Variants in SMARCAL1 observed in about 807,000 individuals in gnomAD.
The protein encoded by SMARCAL1 is SNF2 related chromatin remodeling annealing helicase 1.
SMARCAL1 carries 58 observed loss-of-function variants against 94.5 expected under a neutral mutation model. The ratio of observed to expected loss-of-function variants is 0.61; its 90% CI spans 0.50 to 0.76. The LOEUF is 0.76. Ranked by LOEUF, SMARCAL1 falls within the 30% of genes least tolerant of loss-of-function variation. The pLI is 0.00. For missense variants in SMARCAL1, 1,051 were observed against 1,177.9 expected, an observed-to-expected ratio of 0.89 and a Z score of 1.58; for synonymous variants, 422 against 455.1, an observed-to-expected ratio of 0.93 and a Z score of 0.93.
intron 12 of SMARCAL1, among the ~76,000 whole-genome samples, chr2:216,462,649 T>C (rs1197219204): frequency 6.6e-6 from 1 of 152,136 alleles, no homozygotes; most frequent in East Asian, 1.9e-4. Context: ...CCTCAGCATC[T>C]TTCTTTTTTC....
intron 6 of SMARCAL1, among the ~76,000 whole-genome samples, chr2:216,425,163 C>T (rs1048376176): frequency 6.6e-6 from 1 of 152,246 alleles, no homozygotes; most frequent in Admixed American, 6.5e-5. Context: ...CCAGATTCCA[C>T]ACCCACTGAG....
intron 9 of SMARCAL1, 136 bp downstream of exon 9, chr2:216,435,632 T>G (rs1694064361): frequency 1.2e-6 from 1 of 808,364 alleles, no homozygotes; most frequent in African/African-American, 1.7e-5. Context: ...CTGTCTTTAT[T>G]TTGTGGGGAA....
Position 216,458,731 on chromosome 2 carries a change from G to A in SMARCAL1, c.2071-5866G>A, listed in dbSNP as rs535591557. Among the ~76,000 whole-genome samples the A allele has an allele frequency of 8.8e-4, 134 of 152,294 alleles. No individual in the cohort carries two copies. The South Asian group carries it at 0.027, about 31-fold the overall frequency. ...ACAAACCCACAGCCAATATCATACTGAATTGGCAAAAACTGGAAGCATTCC... is the reference window on the plus strand; with the variant it reads ...ACAAACCCACAGCCAATATCATACTAAATTGGCAAAAACTGGAAGCATTCC... On this transcript the variant is annotated intron_variant, in intron 12 of 17. Coordinates refer to ENST00000357276, the MANE Select transcript of SMARCAL1 (RefSeq NM_014140.4).
At position 216,432,835 on chromosome 2, in the gene SMARCAL1, G is replaced by A. The variant is rs1428008664; in HGVS notation, c.1452G>A (p.Val484=). Residue 484 remains valine, a synonymous_variant, in exon 8 of 18, where the codon GTG becomes GTA. Coordinates refer to ENST00000357276, the MANE Select transcript of SMARCAL1 (RefSeq NM_014140.4). ...FYRKEWPLLV[V]VPSSVRFTWE... is the part of the protein sequence containing the mutation. ...GGAAGGAGTGGCCGCTCCTGGTGGT[G>A]GTGCCATCCTCCGTGCGCTTCACCT... is the stretch of plus-strand genomic sequence containing the variant. The A allele has an allele frequency of 6.2e-7, 1 of 1,614,198 alleles. No homozygotes were observed. The highest frequency in any genetic ancestry group is 8.5e-7 in the Non-Finnish European group (1 of 1,180,042).
rs1694438123 is a variant in SMARCAL1, at chr2:216,450,972, A to C, written c.1978A>C (p.Lys660Gln). The C allele has an allele frequency of 6.2e-7, 1 of 1,614,226 alleles. No individual in the cohort carries two copies. Among genetic ancestry groups the C allele is most frequent in the Non-Finnish European group, 8.5e-7 (1 of 1,180,022 alleles). The change falls in exon 12 of 18, where the codon AAG (lysine) becomes CAG (glutamine). Residue 660 changes from lysine to glutamine, a missense_variant. Physicochemically the swap from Lys to Gln is moderately conservative, Grantham distance 53. Coordinates refer to ENST00000357276, the MANE Select transcript of SMARCAL1 (RefSeq NM_014140.4). ...TTCCCAGCTGCCTGCCAAGCAGCGC[A>C]AGATAGTGGTGATTGCCCCAGGACG... The part of the protein sequence containing the change: ...VLSQLPAKQR[K>Q]IVVIAPGRIN...
Position 216,416,260 on chromosome 2 carries a change from C to T in SMARCAL1, c.815C>T (p.Pro272Leu). The change falls in exon 4 of 18, where the codon CCT becomes CTT. Residue 272 changes from proline to leucine, a missense_variant. Coordinates refer to ENST00000357276, the MANE Select transcript of SMARCAL1 (RefSeq NM_014140.4). Reference sequence around the variant, plus strand: ...TCAGTCCTCTGTTTTGTTTCAGATCCTGACACCAAGACGTGGAACTTCAGC... The same window carrying T: ...TCAGTCCTCTGTTTTGTTTCAGATCTTGACACCAAGACGTGGAACTTCAGC... ...FKTLPSKNYD[P>L]DTKTWNFSMN... is the part of the protein sequence containing the mutation. The T allele has an allele frequency of 3.1e-6, 5 of 1,613,614 alleles. No individual in the cohort carries two copies. Among genetic ancestry groups the T allele is most frequent in the Non-Finnish European group, 4.2e-6 (5 of 1,179,622 alleles).
Position 216,482,593 on chromosome 2 carries a change from T to G in SMARCAL1, c.2626-145T>G, listed in dbSNP as rs1695224731. On this transcript the variant is annotated intron_variant, in intron 17 of 17. Coordinates refer to ENST00000357276, the MANE Select transcript of SMARCAL1 (RefSeq NM_014140.4). This position sits in a 1 kb window ranked among gnomAD's most constrained non-coding sequence, Gnocchi z 4.3. ...CTTTAGTGATGGTTTGCTGAGATGA[T>G]GCACACTTGCCATCGTGTAGCTCCC... 1.8e-6 allele frequency: 2 copies of G among 1,114,456 alleles called. No individual in the cohort carries two copies. Among genetic ancestry groups the G allele is most frequent in the Admixed American group, 1.8e-5 (1 of 56,690 alleles). The allele number at this position is 1,114,456 out of a possible 1,614,324, so 69.0% of individuals were successfully genotyped here. A position where few individuals can be genotyped will look rare whatever the true frequency, so the allele number is the denominator to read the frequency against.
At position 216,420,493 on chromosome 2, in the gene SMARCAL1, C is replaced by G; in HGVS notation, c.1057C>G (p.Leu353Val). Reference sequence around the variant, plus strand: ...GGCAGACATCAGTTATTCACAGGACCTTATTGCGCTTTTTAAACAGATGGA... The same window carrying G: ...GGCAGACATCAGTTATTCACAGGACGTTATTGCGCTTTTTAAACAGATGGA... ...FEADISYSQD[L>V]IALFKQMDSR... The change falls in exon 5 of 18, where the codon CTT becomes GTT. Residue 353 changes from leucine to valine, a missense_variant. This residue lies in a region of SMARCAL1 where 642 missense variants were observed against 754.7 expected (regional missense o/e 0.85). Transcript: ENST00000357276. The G allele has an allele frequency of 6.2e-7, 1 of 1,614,134 alleles. No individual in the cohort carries two copies. The highest frequency in any genetic ancestry group is 8.5e-7 in the Non-Finnish European group (1 of 1,180,006).
rs373517143 is a variant in SMARCAL1 at position 216,413,149 on chromosome 2, G to A, written c.-96+501G>A. ...TCTGGGGATAGATACTTCGTGGTGGGGGAGGGGGGAGGGGGGTTGGGTTCT... is the reference window on the plus strand; with the variant it reads ...TCTGGGGATAGATACTTCGTGGTGGAGGAGGGGGGAGGGGGGTTGGGTTCT... On this transcript the variant is annotated intron_variant, in intron 1 of 17. Coordinates refer to ENST00000357276, the MANE Select transcript of SMARCAL1 (RefSeq NM_014140.4). Among the ~76,000 whole-genome samples, 336 of 143,160 alleles carry A rather than the reference G, an allele frequency of 2.3e-3. 4 individuals are homozygous for A. Among genetic ancestry groups the A allele is most frequent in the South Asian group, 0.017 (68 of 3,912 alleles). 93.9% of individuals were successfully genotyped at this position (143,160 alleles called of 152,430 possible).
At position 216,432,720 on chromosome 2, in the gene SMARCAL1, T is replaced by G; in HGVS notation, c.1337T>G (p.Phe446Cys). The change falls in exon 8 of 18, where the codon TTT becomes TGT. Residue 446 changes from phenylalanine to cysteine, a missense_variant and splice_region_variant. Around this residue, in one of 3 missense-constraint regions of SMARCAL1, gnomAD observed 642 missense variants for 754.7 expected, o/e 0.85. Transcript: ENST00000357276. ...LMPFQRAGVN[F>C]AIAKGGRLLL... ...ATCCTCACCTTGTCTGCCTTCAGTT[T>G]TGCCATAGCCAAAGGAGGCCGCCTG... The G allele has an allele frequency of 6.2e-7, 1 of 1,614,116 alleles. No individual in the cohort carries two copies. The highest frequency in any genetic ancestry group is 8.5e-7 in the Non-Finnish European group (1 of 1,180,028).
Position 216,428,695 on chromosome 2 carries a change from T to TC in SMARCAL1, c.1248dup (p.Thr417HisfsTer11), listed in dbSNP as rs535448005. On this transcript the variant is annotated frameshift_variant, in exon 7 of 18. Transcript: ENST00000357276. LOFTEE classifies it high-confidence loss of function. ...CAGCTCAAGAAGACATCTCTCAGTCTCACGCCAGATGTCCCAGAGGCAGAC... is the reference window on the plus strand; with the variant it reads ...CAGCTCAAGAAGACATCTCTCAGTCTCCACGCCAGATGTCCCAGAGGCAGAC... The TC allele has an allele frequency of 3.7e-6, 6 of 1,614,178 alleles. No homozygotes were observed. Among genetic ancestry groups the TC allele is most frequent in the Non-Finnish European group, 5.1e-6 (6 of 1,179,986 alleles).
At chr2:216,478,555 T>C (rs1386782799) in intron 17 of SMARCAL1, among the ~76,000 whole-genome samples, 5 of 152,186 alleles carry the variant, frequency 3.3e-5, no homozygotes, top group African/African-American at 1.2e-4. Context: ...AGCAGGCCAT[T>C]AGAAACTGAC....
In SMARCAL1 at chr2:216,434,907, G is replaced by A. The variant is rs1026259040; in HGVS notation, c.1486-431G>A. 6.8e-5 allele frequency among the ~76,000 whole-genome samples: 10 copies of A among 146,736 alleles called. No homozygotes were observed. In the South Asian group the frequency reaches 8.6e-4, roughly 13 times the overall value. On this transcript the variant is annotated intron_variant, in intron 8 of 17. Coordinates refer to ENST00000357276, the MANE Select transcript of SMARCAL1 (RefSeq NM_014140.4). Reference sequence around the variant, plus strand: ...AGGTTTCTCTCTTGTTGCCCAGGCCGGAGTGCAATGGCGCGATCTCGTCTC... The same window carrying A: ...AGGTTTCTCTCTTGTTGCCCAGGCCAGAGTGCAATGGCGCGATCTCGTCTC...
chr2:216,416,459 G>A (rs1693605940), intron 4 of SMARCAL1, 152 bp downstream of exon 4: 1 of 718,028 alleles, frequency 1.4e-6, no homozygotes, highest in African/African-American at 1.7e-5. Flanking sequence ...ACTCTGTCTA[G>A]CCTAATGAGG....
chr2:216,448,936 A>G (rs1694380425), intron 11 of SMARCAL1, among the ~76,000 whole-genome samples: 1 of 152,222 alleles, frequency 6.6e-6, no homozygotes, highest in South Asian at 2.1e-4. Flanking sequence ...GGAGCATGCT[A>G]TCTGTCTTAG....
At position 216,419,078 on chromosome 2, in the gene SMARCAL1, C is replaced by T. The variant is rs1044427897; in HGVS notation, c.863-1221C>T. On this transcript the variant is annotated intron_variant, in intron 4 of 17. Coordinates refer to ENST00000357276, the MANE Select transcript of SMARCAL1 (RefSeq NM_014140.4). ...TTTTAAAGCTGTAGAGGAACACCTT[C>T]GTACCTAAGTTTTTGTCTGTATTTT... Among the ~76,000 whole-genome samples, 10 of 152,302 alleles carry T rather than the reference C, an allele frequency of 6.6e-5. No individual in the cohort carries two copies. In the South Asian group the frequency reaches 1.5e-3, roughly 22 times the overall value.
chr2:216,451,012 C>T lies in SMARCAL1; in HGVS notation c.2018C>T (p.Thr673Ile), dbSNP rs758277096. The T allele has an allele frequency of 6.2e-7, 1 of 1,614,180 alleles. No individual in the cohort carries two copies. The highest frequency in any genetic ancestry group is 8.5e-7 in the Non-Finnish European group (1 of 1,180,020). ...VIAPGRINAR[T>I]RAALDAAAKE... The stretch of plus-strand genomic sequence containing the variant: ...GCCCCAGGACGGATCAATGCCAGGA[C>T]CAGAGCTGCCCTGGATGCTGCAGCC... The change falls in exon 12 of 18, where the codon ACC becomes ATC. Residue 673 changes from threonine to isoleucine, a missense_variant. Thr to Ile is a moderately conservative substitution (Grantham distance 89). Around this residue, in one of 3 missense-constraint regions of SMARCAL1, gnomAD observed 642 missense variants for 754.7 expected, o/e 0.85. Transcript: ENST00000357276.
At position 216,458,011 on chromosome 2, in the gene SMARCAL1, T is replaced by C. The variant is rs144829254; in HGVS notation, c.2071-6586T>C. Among the ~76,000 whole-genome samples, 498 of 152,250 alleles carry C rather than the reference T, an allele frequency of 3.3e-3. 2 individuals are homozygous for C. The highest frequency in any genetic ancestry group is 0.012 in the African/African-American group (485 of 41,556). On this transcript the variant is annotated intron_variant, in intron 12 of 17. Coordinates refer to ENST00000357276, the MANE Select transcript of SMARCAL1 (RefSeq NM_014140.4). ...AAAAATGATAAAGGGGTATCACCAC[T>C]GATCCCACAGAAATACAAACTACCA...
Position 216,471,333 on chromosome 2 carries a change from T to G in SMARCAL1, c.2244+3287T>G, listed in dbSNP as rs140756179. On this transcript the variant is annotated intron_variant, in intron 14 of 17. Coordinates refer to ENST00000357276, the MANE Select transcript of SMARCAL1 (RefSeq NM_014140.4). Reference sequence around the variant, plus strand: ...ATTACCTAAACACATGTATTTTTTCTGTGACACATACACAGTGATTAAATT... The same window carrying G: ...ATTACCTAAACACATGTATTTTTTCGGTGACACATACACAGTGATTAAATT... Among the ~76,000 whole-genome samples, 521 of 152,242 alleles carry G rather than the reference T, an allele frequency of 3.4e-3. 1 individual carries two copies. The highest frequency in any genetic ancestry group is 6.1e-3 in the Non-Finnish European group (413 of 68,002).
Sources: gnomAD v4.1 joint callset for allele counts (sites outside exome capture counted in the v4.1 genomes callset) on GRCh38, gnomAD v4.1.1 for gene constraint, gnomAD v4.1.1 regional missense constraint, Gnocchi (gnomAD v3.1) non-coding constraint, MANE v1.5 for transcripts, NCBI Gene and HGNC (gene_info 2026-07-23, HGNC 2026-07-21) for gene names.